SLFN14: variants seen among roughly 807,000 people sequenced by gnomAD.
SLFN14 encodes schlafen family member 14.
SLFN14 carries 47 observed loss-of-function variants against 58.6 expected under a neutral mutation model. The observed-to-expected ratio is 0.80, with a 90% CI of 0.64 to 1.02. SLFN14 has a LOEUF of 1.02. Ranked by LOEUF, SLFN14 falls within the 50% of genes least tolerant of loss-of-function variation. The probability of loss-of-function intolerance (pLI) is 0.00; values close to 1 mark genes in which losing one functional copy is unlikely to be tolerated. For missense variants in SLFN14, 967 were observed against 1,078.4 expected, an observed-to-expected ratio of 0.90 and a Z score of 1.45; for synonymous variants, 390 against 387.3, an observed-to-expected ratio of 1.01 and a Z score of -0.08.
rs2072670872 is a variant in SLFN14, at chr17:35,558,022, TC to T, written c.40del (p.Glu14ArgfsTer2). ...LKTDTEMPYP[E>X]VIVDVGRVIF... is the part of the protein sequence containing the mutation. The stretch of plus-strand genomic sequence containing the variant: ...CACTCTGCCCACATCTACTATTACC[TC>T]AGGATACGGCATTTCAGTATCAGTC... On this transcript the variant is annotated frameshift_variant, in exon 3 of 6. Transcript: ENST00000674182. LOFTEE classifies it high-confidence loss of function. 1 of 1,551,380 alleles carries T rather than the reference TC, an allele frequency of 6.4e-7. No homozygotes were observed. The highest frequency in any genetic ancestry group is 2.0e-5 in the Admixed American group (1 of 50,968).
chr17:35,554,571 A>G lies in SLFN14; in HGVS notation c.1189+5T>C, dbSNP rs1243251354. On this transcript the variant is annotated splice_donor_5th_base_variant and intron_variant, in intron 4 of 5. Coordinates refer to ENST00000674182, the MANE Select transcript of SLFN14 (RefSeq NM_001129820.2). ...GTCCCCTAAGTTGAAATCAAGAGGG[A>G]ATACCTGGAAACAAATGTCGTTGCA... 1 of 1,525,708 alleles carries G rather than the reference A, an allele frequency of 6.6e-7. No homozygotes were observed. Among genetic ancestry groups the G allele is most frequent in the Non-Finnish European group, 8.8e-7 (1 of 1,136,456 alleles). The allele number at this position is 1,525,708 out of a possible 1,614,324, so 94.5% of individuals were successfully genotyped here.
chr17:35,557,526 T>C lies in SLFN14; in HGVS notation c.537A>G (p.Glu179=). 6.4e-7 allele frequency: 1 copy of C among 1,551,686 alleles called. No homozygotes were observed. The highest frequency in any genetic ancestry group is 8.7e-7 in the Non-Finnish European group (1 of 1,147,012). ...PQQVLNRCIQ[E]EEDMRILASE... Reference sequence around the variant, plus strand: ...AGGCCAATATCCTCATATCTTCCTCTTCCTGAATGCATCTATTGAGAACCT... The same window carrying C: ...AGGCCAATATCCTCATATCTTCCTCCTCCTGAATGCATCTATTGAGAACCT... The change falls in exon 3 of 6, where the codon GAA becomes GAG. Residue 179 remains glutamate, a synonymous_variant. Transcript: ENST00000674182.
At chr17:35,553,818 T>C (rs190093432) in intron 4 of SLFN14, among the ~76,000 whole-genome samples, 2 of 152,238 alleles carry the variant, frequency 1.3e-5, no homozygotes, top group East Asian at 3.9e-4. Context: ...TTTGTATTTT[T>C]AGTAGAGACA....
At chr17:35,553,623 A>G in intron 4 of SLFN14, 179 bp from the exon 5 acceptor site, 1 of 594,240 alleles carries the variant, frequency 1.7e-6, no homozygotes, top group Admixed American at 3.3e-5. Flanking sequence ...CCCCACGGAC[A>G]TTTGGCAATG....
chr17:35,548,963 C>A lies in SLFN14; in HGVS notation c.2015G>T (p.Gly672Val). The stretch of plus-strand genomic sequence containing the variant: ...GTTCTTAGCCTTCATGTACCAATTG[C>A]CATATTTGCTGCAGAAATTCTCAGT... ...DETENFCSKYGNWYMKAKNIT... is the reference protein window; with the variant it reads ...DETENFCSKYVNWYMKAKNIT... Residue 672 changes from glycine to valine, a missense_variant, in exon 6 of 6, where the codon GGC becomes GTC. Physicochemically the swap from Gly to Val is moderately radical, Grantham distance 109. Transcript: ENST00000674182. The A allele has an allele frequency of 6.4e-7, 1 of 1,551,708 alleles. No individual in the cohort carries two copies.
Position 35,545,214 on chromosome 17 carries a change from C to CT in SLFN14, c.*3024dup, listed in dbSNP as rs1475986053. 6.6e-6 allele frequency among the ~76,000 whole-genome samples: 1 copy of CT among 152,196 alleles called. No individual in the cohort carries two copies. The highest frequency in any genetic ancestry group is 2.4e-5 in the African/African-American group (1 of 41,458). The stretch of plus-strand genomic sequence containing the variant: ...CTCCACACTGACTTCTTTGAAATCT[C>CT]TAACATTAGAAATTCATACTATCGA... On this transcript the variant is annotated 3_prime_UTR_variant, in exon 6 of 6. Transcript: ENST00000674182.
At position 35,548,452 on chromosome 17, in the gene SLFN14, G is replaced by C; in HGVS notation, c.2526C>G (p.His842Gln). 1 of 1,551,730 alleles carries C rather than the reference G, an allele frequency of 6.4e-7. No individual in the cohort carries two copies. The highest frequency in any genetic ancestry group is 8.7e-7 in the Non-Finnish European group (1 of 1,146,998). The change falls in exon 6 of 6, where the codon CAC (histidine) becomes CAG (glutamine). Residue 842 changes from histidine to glutamine, a missense_variant. Physicochemically the swap from His to Gln is conservative, Grantham distance 24 (BLOSUM62 0). Coordinates refer to ENST00000674182, the MANE Select transcript of SLFN14 (RefSeq NM_001129820.2). Reference sequence around the variant, plus strand: ...GGCTAAACACAACCTCTGATGGTCTGTGGGTCTCAATTAATTCCATTGCTT... The same window carrying C: ...GGCTAAACACAACCTCTGATGGTCTCTGGGTCTCAATTAATTCCATTGCTT... The part of the protein sequence containing the change: ...LLKAMELIET[H>Q]RPSEVVFSPA...
chr17:35,558,912 C>A (rs2072677837), intron 2 of SLFN14, among the ~76,000 whole-genome samples: 2 of 152,040 alleles, frequency 1.3e-5, no homozygotes, highest in African/African-American at 4.8e-5. Context: ...GAAGATCTTG[C>A]TATAAACACA....
chr17:35,553,498 A>C (rs1303828694), intron 4 of SLFN14, 54 bp from the exon 5 acceptor site: 1 of 1,355,940 alleles, frequency 7.4e-7, no homozygotes, highest in Non-Finnish European at 9.9e-7. Flanking sequence ...TGTGGTAAGT[A>C]TTCCTGCAAC....
At chr17:35,556,768 G>A (rs1023159870) in intron 3 of SLFN14, among the ~76,000 whole-genome samples, 1 of 152,102 alleles carries the variant, frequency 6.6e-6, no homozygotes. Flanking sequence ...CTGGGTGACA[G>A]AGTCTAAAGA....
intron 5 of SLFN14, among the ~76,000 whole-genome samples, chr17:35,552,043 G>A (rs553482873): frequency 2.0e-5 from 3 of 152,218 alleles, no homozygotes; most frequent in East Asian, 1.9e-4. Context: ...GCTACAAATG[G>A]TTCTTCAAAT....
rs2072530880 is a variant in SLFN14, at chr17:35,545,893, T to G, written c.*2346A>C. On this transcript the variant is annotated 3_prime_UTR_variant, in exon 6 of 6. Coordinates refer to ENST00000674182, the MANE Select transcript of SLFN14 (RefSeq NM_001129820.2). ...TGGTGTCTGGCCTGATCACTGATTTTTTTTAAGTCGCCCAGGAAATTATAA... is the reference window on the plus strand; with the variant it reads ...TGGTGTCTGGCCTGATCACTGATTTGTTTTAAGTCGCCCAGGAAATTATAA... Among the ~76,000 whole-genome samples the G allele has an allele frequency of 6.6e-6, 1 of 152,168 alleles. No homozygotes were observed. The highest frequency in any genetic ancestry group is 2.1e-4 in the South Asian group (1 of 4,832).
At chr17:35,554,751 A>T (rs1047201125) in intron 3 of SLFN14, 47 bp from the exon 4 acceptor site, 68 of 33,026 alleles carry the variant, frequency 2.1e-3, no homozygotes, top group Non-Finnish European at 2.5e-3. Flanking sequence ...ATAAAAAGTT[A>T]AAAAAAAAAA....
rs1369075720 is a variant in SLFN14, at chr17:35,557,749, A to T, written c.314T>A (p.Leu105His). 1.3e-6 allele frequency: 2 copies of T among 1,551,740 alleles called. No individual in the cohort carries two copies. Among genetic ancestry groups the T allele is most frequent in the Admixed American group, 2.0e-5 (1 of 51,008 alleles). The change falls in exon 3 of 6, where the codon CTC becomes CAC. Residue 105 changes from leucine (L) to histidine (H), a missense_variant. By Grantham distance (99) the Leu-to-His change is moderately conservative (BLOSUM62 -3). Coordinates refer to ENST00000674182, the MANE Select transcript of SLFN14 (RefSeq NM_001129820.2). Reference protein sequence around the residue: ...YLDYMQQGHNLLIFVKSWSPD... With the variant: ...YLDYMQQGHNHLIFVKSWSPD... ...GCTCCATGACTTCACAAAAATCAGG[A>T]GATTGTGCCCCTGCTGCATGTAGTC...
intron 3 of SLFN14, 154 bp from the exon 4 acceptor site, chr17:35,554,858 A>C: frequency 2.0e-6 from 1 of 491,582 alleles, no homozygotes; most frequent in Non-Finnish European, 3.2e-6. Flanking sequence ...CAGCTCACGT[A>C]TGTCAGGAAA....
At position 35,553,162 on chromosome 17, in the gene SLFN14, T is replaced by G; in HGVS notation, c.1472A>C (p.Gln491Pro). 1 of 1,551,696 alleles carries G rather than the reference T, an allele frequency of 6.4e-7. No homozygotes were observed. Among genetic ancestry groups the G allele is most frequent in the Non-Finnish European group, 8.7e-7 (1 of 1,146,984 alleles). The change falls in exon 5 of 6, where the codon CAG becomes CCG. Residue 491 changes from glutamine (Q) to proline (P), a missense_variant. Coordinates refer to ENST00000674182, the MANE Select transcript of SLFN14 (RefSeq NM_001129820.2). ...GLEYARNTAH[Q>P]LKQKLQTVGG... Reference sequence around the variant, plus strand: ...AACAGTTTGCAGTTTCTGCTTTAACTGATGAGCTGTGTTTCGGGCATATTC... The same window carrying G: ...AACAGTTTGCAGTTTCTGCTTTAACGGATGAGCTGTGTTTCGGGCATATTC...
At chr17:35,559,053 TAA>T (rs33995321) in intron 2 of SLFN14, among the ~76,000 whole-genome samples, 29,034 of 140,120 alleles carry the variant, frequency 0.21, 2,902 homozygotes, top group East Asian at 0.35. Context: ...CGACAAAAGA[TAA>T]AAAAAAAAAA....
In SLFN14 at chr17:35,548,464, T is replaced by C. The variant is rs935057786; in HGVS notation, c.2514A>G (p.Leu838=). The C allele has an allele frequency of 1.9e-6, 3 of 1,551,596 alleles. No homozygotes were observed. Among genetic ancestry groups the C allele is most frequent in the Non-Finnish European group, 2.6e-6 (3 of 1,146,986 alleles). The part of the protein sequence containing the change: ...YRLALLKAME[L]IETHRPSEVV... ...CCTCTGATGGTCTGTGGGTCTCAATTAATTCCATTGCTTTGAGTAGTGCAA... is the reference window on the plus strand; with the variant it reads ...CCTCTGATGGTCTGTGGGTCTCAATCAATTCCATTGCTTTGAGTAGTGCAA... Residue 838 remains leucine (L), a synonymous_variant, in exon 6 of 6, where the codon TTA becomes TTG. Coordinates refer to ENST00000674182, the MANE Select transcript of SLFN14 (RefSeq NM_001129820.2).
At position 35,552,873 on chromosome 17, in the gene SLFN14, A is replaced by C; in HGVS notation, c.1761T>G (p.Arg587=). 6.4e-7 allele frequency: 1 copy of C among 1,551,498 alleles called. No homozygotes were observed. Among genetic ancestry groups the C allele is most frequent in the Non-Finnish European group, 8.7e-7 (1 of 1,146,954 alleles). Residue 587 remains arginine (R), a synonymous_variant, in exon 5 of 6, where the codon CGT becomes CGG. Transcript: ENST00000674182. ...CTGGAAAGCAGTAGATGAATAATTC[A>C]CGTGTCTTCTGAAGACTCTCAGAAA... The part of the protein sequence containing the change: ...QLLSESLQKT[R]ELFIYCFPGV...
Sources: allele counts gnomAD v4.1 joint callset (sites outside exome capture counted in the v4.1 genomes callset), GRCh38; gene constraint gnomAD v4.1.1; transcripts MANE v1.5; gene names NCBI Gene and HGNC (gene_info 2026-07-23, HGNC 2026-07-21).